The following PDLIM1 variants were observed in gnomAD, a reference collection of about 807,000 sequenced individuals.
PDLIM1 encodes PDZ and LIM domain 1.
Under a neutral mutation model 35.2 loss-of-function variants are expected in PDLIM1, and 25 were observed. That is an observed-to-expected ratio of 0.71 (90% CI 0.52 to 0.99). The LOEUF is 0.99. PDLIM1 is among the 50% of genes least tolerant of loss of function. The probability of loss-of-function intolerance (pLI) is 0.00; values close to 1 mark genes in which losing one functional copy is unlikely to be tolerated. For missense variants in PDLIM1, 363 were observed against 415.3 expected (o/e 0.87, Z 1.09); for synonymous variants, 152 against 154.0 (o/e 0.99, Z 0.10).
chr10:95,271,093 T>C (rs2035461254), intron 2 of PDLIM1, among the ~76,000 whole-genome samples: 1 of 151,774 alleles, frequency 6.6e-6, no homozygotes, highest in South Asian at 2.1e-4. Flanking sequence ...TTGGATCAAG[T>C]GAAAATGCAA....
intron 3 of PDLIM1, among the ~76,000 whole-genome samples, chr10:95,266,162 A>T (rs1270726911): frequency 6.6e-6 from 1 of 152,180 alleles, no homozygotes; most frequent in African/African-American, 2.4e-5. Flanking sequence ...GCACCATTGC[A>T]CTCCAGCCTG....
intron 1 of PDLIM1, among the ~76,000 whole-genome samples, chr10:95,287,320 T>TA (rs1471131413): frequency 6.6e-6 from 1 of 152,188 alleles, no homozygotes; most frequent in East Asian, 1.9e-4. Flanking sequence ...CGACATGATG[T>TA]AAAATCTATC....
intron 4 of PDLIM1, among the ~76,000 whole-genome samples, chr10:95,252,931 G>A (rs1438780042): frequency 1.3e-5 from 2 of 152,098 alleles, no homozygotes; most frequent in African/African-American, 4.8e-5. Context: ...TGTCAATGGA[G>A]TCTTGGAAGA....
chr10:95,281,738 C>T (rs2133441286), intron 1 of PDLIM1, among the ~76,000 whole-genome samples: 1 of 152,332 alleles, frequency 6.6e-6, no homozygotes, highest in South Asian at 2.1e-4. Flanking sequence ...GCAATCCTCA[C>T]ACCTCGGCCT....
intron 2 of PDLIM1, among the ~76,000 whole-genome samples, chr10:95,271,014 G>C (rs2035460746): frequency 6.6e-6 from 1 of 151,718 alleles, no homozygotes; most frequent in South Asian, 2.1e-4. Context: ...GCCTCCCAAA[G>C]TGCTGGGATT....
In PDLIM1 at chr10:95,237,928, C is replaced by T. The variant is rs746153920; in HGVS notation, c.987G>A (p.Lys329=). The change falls in exon 7 of 7, where the codon AAG becomes AAA. Residue 329 remains lysine (K), a synonymous_variant. Transcript: ENST00000329399. ...AACAGTGGTCAGATCTGCTGGCTCA[C>T]TTGGGGAACACAGTGACCACTTCAT... ...EGYEVVTVFP[K] 2 of 1,613,846 alleles carry T rather than the reference C, an allele frequency of 1.2e-6. No homozygotes were observed. Among genetic ancestry groups the T allele is most frequent in the South Asian group, 1.1e-5 (1 of 91,020 alleles).
At chr10:95,256,986 A>AAAGAAAGAAAAAAAGAAAG (rs60806315) in intron 4 of PDLIM1, among the ~76,000 whole-genome samples, 1 of 61,658 alleles carries the variant, frequency 1.6e-5, no homozygotes. Flanking sequence ...AAAAAAAAAA[A>AAAGAAAGAAAAAAAGAAAG]AAAGAAAGAA....
intron 3 of PDLIM1, among the ~76,000 whole-genome samples, chr10:95,265,749 TA>T (rs34548177): frequency 0.61 from 91,705 of 151,038 alleles, 29,220 homozygotes; most frequent in Non-Finnish European, 0.7. Flanking sequence ...ACCCCATCCG[TA>T]AAAAAAAGTT....
At chr10:95,238,736 G>T in intron 5 of PDLIM1, 51 bp from the exon 6 acceptor site, 1 of 1,103,974 alleles carries the variant, frequency 9.1e-7, no homozygotes, top group Non-Finnish European at 1.4e-6. Flanking sequence ...AATTGCATAA[G>T]TATCACTCAG....
At chr10:95,261,025 G>A (rs1463859981) in intron 4 of PDLIM1, among the ~76,000 whole-genome samples, 3 of 152,174 alleles carry the variant, frequency 2.0e-5, no homozygotes, top group African/African-American at 7.2e-5. Flanking sequence ...GTGCGGGGTG[G>A]AACAGAAACA....
At position 95,290,431 on chromosome 10, in the gene PDLIM1, T is replaced by C. The variant is rs2035642909; in HGVS notation, c.96+389A>G. ...CACTTTCCAGGTCTTTCCTGTTGCG[T>C]TCGGCTGCACTGCGATCTGGGAAGA... On this transcript the variant is annotated intron_variant, in intron 1 of 6. Transcript: ENST00000329399. The surrounding 1 kb of genome is among the most constrained non-coding windows in gnomAD (Gnocchi z 4.7). Among the ~76,000 whole-genome samples, 1 of 142,664 alleles carries C rather than the reference T, an allele frequency of 7.0e-6. No homozygotes were observed. The highest frequency in any genetic ancestry group is 1.5e-5 in the Non-Finnish European group (1 of 65,032). The allele number at this position is 142,664 out of a possible 152,430, so 93.6% of individuals were successfully genotyped here.
intron 4 of PDLIM1, among the ~76,000 whole-genome samples, chr10:95,257,515 C>T (rs1390788828): frequency 2.0e-5 from 3 of 151,994 alleles, no homozygotes; most frequent in Non-Finnish European, 2.9e-5. Context: ...TTTGAATAGA[C>T]ATTTAGCCAA....
At chr10:95,239,375 T>G (rs1283401088) in intron 5 of PDLIM1, among the ~76,000 whole-genome samples, 2 of 152,240 alleles carry the variant, frequency 1.3e-5, no homozygotes, top group Non-Finnish European at 2.9e-5. Flanking sequence ...AAAGAGCTTC[T>G]GCACAGCAAA....
At chr10:95,274,315 C>T (rs1162620197) in intron 1 of PDLIM1, among the ~76,000 whole-genome samples, 6 of 123,394 alleles carry the variant, frequency 4.9e-5, no homozygotes, top group African/African-American at 1.5e-4. Flanking sequence ...TTTTTTGAGA[C>T]GGAGTTTCGC....
At chr10:95,280,246 G>A (rs1362248344) in intron 1 of PDLIM1, among the ~76,000 whole-genome samples, 1 of 152,070 alleles carries the variant, frequency 6.6e-6, no homozygotes, top group Admixed American at 6.6e-5. Flanking sequence ...GTGGTGGCAG[G>A]TGCCTGTAAT....
intron 2 of PDLIM1, among the ~76,000 whole-genome samples, chr10:95,271,110 T>A (rs1257670051): frequency 4.0e-5 from 6 of 151,880 alleles, no homozygotes; most frequent in African/African-American, 1.5e-4. Context: ...GCAAGTATCT[T>A]ACTGAAAGAA....
At position 95,263,765 on chromosome 10, in the gene PDLIM1, C is replaced by T. The variant is rs545776422; in HGVS notation, c.533+99G>A. 7.4e-5 allele frequency: 59 copies of T among 797,156 alleles called. No individual in the cohort carries two copies. The South Asian group carries it at 9.3e-4, about 13-fold the overall frequency. The allele number at this position is 797,156 out of a possible 1,614,324, so 49.4% of individuals were successfully genotyped here. A position where few individuals can be genotyped will look rare whatever the true frequency, so the allele number is the denominator to read the frequency against. On this transcript the variant is annotated intron_variant, in intron 4 of 6. Transcript: ENST00000329399. ...TTCTGCTAATGTAGTCATTTTTCTCCCTGGAGTAGTGGCTCTTGCACCTGC... is the reference window on the plus strand; with the variant it reads ...TTCTGCTAATGTAGTCATTTTTCTCTCTGGAGTAGTGGCTCTTGCACCTGC...
Position 95,290,844 on chromosome 10 carries a change from G to A in PDLIM1, c.72C>T (p.Phe24=). Residue 24 remains phenylalanine (F), a synonymous_variant, in exon 1 of 7, where the codon TTC becomes TTT. Coordinates refer to ENST00000329399, the MANE Select transcript of PDLIM1 (RefSeq NM_020992.4). The surrounding 1 kb of genome is among the most constrained non-coding windows in gnomAD (Gnocchi z 4.7). ...CCCGGGAAATGGCGAGAGGCTGCTC[G>A]AAGTCCTTGCCGCCCACGAGGCGGA... ...WGFRLVGGKD[F]EQPLAISRVT... The A allele has an allele frequency of 3.8e-6, 6 of 1,564,260 alleles. No individual in the cohort carries two copies. Among genetic ancestry groups the A allele is most frequent in the Non-Finnish European group, 5.2e-6 (6 of 1,154,986 alleles).
chr10:95,273,326 G>A (rs1252405695), intron 1 of PDLIM1: 1 of 152,140 alleles, frequency 6.6e-6, no homozygotes, highest in Non-Finnish European at 1.5e-5. Flanking sequence ...TGAACCACAG[G>A]TAACAGGTTC....
Sources: allele counts gnomAD v4.1 joint callset (sites outside exome capture counted in the v4.1 genomes callset), GRCh38; gene constraint gnomAD v4.1.1; non-coding constraint Gnocchi (gnomAD v3.1); transcripts MANE v1.5; gene names NCBI Gene and HGNC (gene_info 2026-07-23, HGNC 2026-07-21).